The following NCK2 variants were observed in gnomAD, a reference collection of about 807,000 sequenced individuals.
The protein encoded by NCK2 is cytoplasmic protein NCK2.
NCK2 carries 16 observed loss-of-function variants against 33.9 expected under a neutral mutation model. That is an observed-to-expected ratio of 0.47 (90% confidence interval 0.32 to 0.72). The LOEUF (loss-of-function observed/expected upper bound fraction) is 0.72. Among genes scored for constraint, NCK2 ranks in the 30% least tolerant of loss-of-function variants. NCK2 has a pLI of 0.03. For synonymous variants in NCK2, 273 were observed against 239.9 expected, an observed-to-expected ratio of 1.14 and a Z score of -1.27; for missense variants, 418 against 537.3, an observed-to-expected ratio of 0.78 and a Z score of 2.19.
chr2:105,772,151 GTT>G (rs1248605618), intron 1 of NCK2, among the ~76,000 whole-genome samples: 2 of 152,158 alleles, frequency 1.3e-5, no homozygotes, highest in Non-Finnish European at 2.9e-5. Flanking sequence ...TGTGTTAGCA[GTT>G]TCCACCGGTG....
At chr2:105,762,580 A>G (rs1689803024) in intron 1 of NCK2, among the ~76,000 whole-genome samples, 1 of 152,162 alleles carries the variant, frequency 6.6e-6, no homozygotes, top group Admixed American at 6.5e-5. Context: ...TGGGGTGGGA[A>G]AAAACATCCT....
intron 2 of NCK2, among the ~76,000 whole-genome samples, chr2:105,818,639 T>C (rs906570048): frequency 6.6e-6 from 1 of 152,204 alleles, no homozygotes; most frequent in African/African-American, 2.4e-5. Flanking sequence ...TTAGGTGATA[T>C]GTCTTCTGGT....
chr2:105,798,564 A>G (rs1193554696), intron 1 of NCK2, among the ~76,000 whole-genome samples: 1 of 152,236 alleles, frequency 6.6e-6, no homozygotes, highest in Non-Finnish European at 1.5e-5. Flanking sequence ...ATAATCAGAT[A>G]TGAATAGTGA....
In NCK2 at chr2:105,861,538, G is replaced by A. The variant is rs527910254; in HGVS notation, c.226+6249G>A. Reference sequence around the variant, plus strand: ...CTTTTTTTTTTTTTTTTTTTGAGACGGTGTCTTGCTCTGTCACCTAGGCTG... The same window carrying A: ...CTTTTTTTTTTTTTTTTTTTGAGACAGTGTCTTGCTCTGTCACCTAGGCTG... On this transcript the variant is annotated intron_variant, in intron 3 of 4. Transcript: ENST00000233154. 9.8e-4 allele frequency among the ~76,000 whole-genome samples: 143 copies of A among 146,476 alleles called. 1 individual carries two copies. Among genetic ancestry groups the A allele is most frequent in the African/African-American group, 3.5e-3 (139 of 39,398 alleles).
intron 1 of NCK2, among the ~76,000 whole-genome samples, chr2:105,807,324 G>A (rs772296759): frequency 5.9e-5 from 9 of 152,198 alleles, no homozygotes; most frequent in Non-Finnish European, 1.0e-4. Flanking sequence ...CGAAGGGCAG[G>A]GGAAATAAAG....
At position 105,779,935 on chromosome 2, in the gene NCK2, T is replaced by C. The variant is rs1558833340; in HGVS notation, c.-201+34797T>C. On this transcript the variant is annotated intron_variant, in intron 1 of 4. Transcript: ENST00000233154. ...TCACCCTCTCATTCAGGATAGCGTG[T>C]ACATATCCACATACTTCACAGCTCA... Among the ~76,000 whole-genome samples the C allele has an allele frequency of 3.9e-5, 6 of 152,274 alleles. No homozygotes were observed. In the South Asian group the frequency reaches 1.2e-3, roughly 32 times the overall value.
chr2:105,881,635 C>T lies in NCK2; in HGVS notation c.534C>T (p.Ser178=), dbSNP rs1419024844. The change falls in exon 4 of 5, where the codon AGC becomes AGT. Residue 178 remains serine, a synonymous_variant. Transcript: ENST00000233154. ...ACGAGGCGGCTGCGGAGTCCCCAAGCTTCCTGAGCCTGCGCAAGGGCGCCT... is the reference window on the plus strand; with the variant it reads ...ACGAGGCGGCTGCGGAGTCCCCAAGTTTCCTGAGCCTGCGCAAGGGCGCCT... The part of the protein sequence containing the change: ...EVDEAAAESP[S]FLSLRKGASL... 1.2e-6 allele frequency: 2 copies of T among 1,613,386 alleles called. No homozygotes were observed. The highest frequency in any genetic ancestry group is 1.7e-6 in the Non-Finnish European group (2 of 1,179,638).
rs981269887 is a variant in NCK2, at chr2:105,850,121, A to G, written c.-16-4927A>G. ...ATTTTACAGAAGAAACTGAAATCCA[A>G]GGAGAACATACAAATGGTTCAGCTA... On this transcript the variant is annotated intron_variant, in intron 2 of 4. Transcript: ENST00000233154. 2.0e-5 allele frequency among the ~76,000 whole-genome samples: 3 copies of G among 152,192 alleles called. No individual in the cohort carries two copies. In the East Asian group the frequency reaches 5.8e-4, roughly 29 times the overall value.
At chr2:105,748,399 T>C (rs1226387386) in intron 1 of NCK2, among the ~76,000 whole-genome samples, 1 of 152,146 alleles carries the variant, frequency 6.6e-6, no homozygotes, top group African/African-American at 2.4e-5. Flanking sequence ...TTTTTTCTTT[T>C]TTTAAGGCAG....
chr2:105,860,278 C>A (rs561904560), intron 3 of NCK2, among the ~76,000 whole-genome samples: 13 of 151,948 alleles, frequency 8.6e-5, no homozygotes, highest in Admixed American at 1.3e-4. Context: ...AGAGTGAGAC[C>A]CTGTCTCAAA....
intron 1 of NCK2, among the ~76,000 whole-genome samples, chr2:105,751,396 C>T (rs1372872401): frequency 3.9e-5 from 6 of 152,174 alleles, no homozygotes; most frequent in African/African-American, 1.2e-4. Flanking sequence ...GGTGACTGCA[C>T]CCTGACAGTC....
At chr2:105,783,764 T>C (rs1690578243) in intron 1 of NCK2, among the ~76,000 whole-genome samples, 1 of 151,696 alleles carries the variant, frequency 6.6e-6, no homozygotes, top group Non-Finnish European at 1.5e-5. Flanking sequence ...CCAAGAGGGG[T>C]GGCCTGTTCC....
At chr2:105,846,140 A>G (rs1343942615) in intron 2 of NCK2, among the ~76,000 whole-genome samples, 1 of 152,240 alleles carries the variant, frequency 6.6e-6, no homozygotes, top group East Asian at 1.9e-4. Context: ...CTAAGACACC[A>G]ACGAGAAAGC....
intron 1 of NCK2, among the ~76,000 whole-genome samples, chr2:105,753,030 A>C (rs1689501641): frequency 6.6e-6 from 1 of 152,188 alleles, no homozygotes; most frequent in African/African-American, 2.4e-5. Context: ...AAGGAAAGGG[A>C]GGCACTGAGG....
intron 1 of NCK2, among the ~76,000 whole-genome samples, chr2:105,815,362 A>G (rs915901859): frequency 6.6e-6 from 1 of 152,240 alleles, no homozygotes; most frequent in African/African-American, 2.4e-5. Flanking sequence ...TGACTAAAAT[A>G]GAATTCGATT....
Position 105,893,375 on chromosome 2 carries a change from G to GCT in NCK2, c.*200_*201dup. 1 of 553,594 alleles carries GCT rather than the reference G, an allele frequency of 1.8e-6. No homozygotes were observed. Among genetic ancestry groups the GCT allele is most frequent in the Non-Finnish European group, 3.2e-6 (1 of 311,274 alleles). The allele number at this position is 553,594 out of a possible 1,614,324, so 34.3% of individuals were successfully genotyped here. On this transcript the variant is annotated 3_prime_UTR_variant, in exon 5 of 5. Transcript: ENST00000233154. ...ACACTCGAGCCCACCCGGCCGGCCA[G>GCT]CTTTAGAGGAGGGGAGGAGCAGGGC...
chr2:105,882,183 TATA>T lies in NCK2; in HGVS notation c.948+137_948+139del, dbSNP rs1678534466. The stretch of plus-strand genomic sequence containing the variant: ...GGAGACGCAGATGAATGCAATTTAG[TATA>T]ATGTTTGCTACTCCGTGATTTACTT... On this transcript the variant is annotated intron_variant, in intron 4 of 4. Coordinates refer to ENST00000233154, the MANE Select transcript of NCK2 (RefSeq NM_003581.5). 1.2e-5 allele frequency: 13 copies of T among 1,075,202 alleles called. No individual in the cohort carries two copies. In the South Asian group the frequency reaches 3.8e-4, roughly 32 times the overall value. The allele number at this position is 1,075,202 out of a possible 1,614,324, so 66.6% of individuals were successfully genotyped here. A position where few individuals can be genotyped will look rare whatever the true frequency, so the allele number is the denominator to read the frequency against.
chr2:105,811,022 A>C (rs1349402335), intron 1 of NCK2, among the ~76,000 whole-genome samples: 6 of 152,254 alleles, frequency 3.9e-5, no homozygotes, highest in Admixed American at 1.3e-4. Flanking sequence ...AAAAATACAA[A>C]AAAGTAGCTG....
At chr2:105,822,351 A>C (rs1432254871) in intron 2 of NCK2, among the ~76,000 whole-genome samples, 1 of 150,196 alleles carries the variant, frequency 6.7e-6, no homozygotes, top group Admixed American at 6.6e-5. Context: ...TGGTGCTCAG[A>C]GTCGCCTTGT....
Sources: gnomAD v4.1 joint callset for allele counts (sites outside exome capture counted in the v4.1 genomes callset) on GRCh38, gnomAD v4.1.1 for gene constraint, MANE v1.5 for transcripts, NCBI Gene and HGNC (gene_info 2026-07-23, HGNC 2026-07-21) for gene names.